The following PCDH15 variants were observed in gnomAD, a reference collection of about 807,000 sequenced individuals.
PCDH15 encodes protocadherin-15.
A neutral mutation model predicts 178.5 loss-of-function variants in PCDH15; 129 were observed. The ratio of observed to expected loss-of-function variants is 0.72; its 90% CI spans 0.63 to 0.84. PCDH15 has a LOEUF of 0.84. Among genes scored for constraint, PCDH15 ranks in the 40% least tolerant of loss-of-function variants. The pLI, the probability that PCDH15 is intolerant of heterozygous loss-of-function variation, is 0.00. For synonymous variants in PCDH15, 800 were observed against 732.0 expected (o/e 1.09, Z -1.50); for missense variants, 2,230 against 2,099.9 (o/e 1.06, Z -1.21).
intron 9 of PCDH15, 139 bp downstream of exon 9, chr10:54,236,684 A>T: frequency 2.7e-6 from 2 of 749,728 alleles, no homozygotes; most frequent in Non-Finnish European, 4.5e-6. Context: ...TATTATTTTT[A>T]AAATGTGTTT....
At chr10:55,458,022 T>G (rs187609712) in intron 2 of PCDH15, among the ~76,000 whole-genome samples, 1 of 152,042 alleles carries the variant, frequency 6.6e-6, no homozygotes, top group Admixed American at 6.6e-5. Flanking sequence ...CACATGCATA[T>G]ATAGAGGATT....
At chr10:54,332,307 TATATA>T (rs377539738) in intron 6 of PCDH15, among the ~76,000 whole-genome samples, 1,089 of 86,976 alleles carry the variant, frequency 0.013, 10 homozygotes, top group African/African-American at 0.017. Context: ...CATATTATTA[TATATA>T]ATATAATATA....
At chr10:54,096,501 T>C (rs1050459363) in intron 15 of PCDH15, among the ~76,000 whole-genome samples, 3 of 152,112 alleles carry the variant, frequency 2.0e-5, no homozygotes, top group African/African-American at 7.2e-5. Flanking sequence ...TAATCCAATA[T>C]CAAAGTTTCA....
chr10:54,108,720 AG>A (rs1382432909), intron 15 of PCDH15, among the ~76,000 whole-genome samples: 1 of 152,152 alleles, frequency 6.6e-6, no homozygotes, highest in Non-Finnish European at 1.5e-5. Context: ...CTCACAGGTC[AG>A]GGGGATACTC....
At chr10:55,021,932 CA>C (rs34500983) in intron 2 of PCDH15, among the ~76,000 whole-genome samples, 69,617 of 151,764 alleles carry the variant, frequency 0.46, 17,839 homozygotes, top group East Asian at 0.75. Flanking sequence ...ATGCCAAGCA[CA>C]AAAAGACATA....
intron 18 of PCDH15, among the ~76,000 whole-genome samples, chr10:54,050,276 G>C (rs770255008): frequency 6.6e-6 from 1 of 152,030 alleles, no homozygotes; most frequent in Non-Finnish European, 1.5e-5. Flanking sequence ...ATTTCTTCTT[G>C]ATTCAATCAT....
chr10:54,416,919 A>T (rs10763111), intron 3 of PCDH15, among the ~76,000 whole-genome samples: 120,866 of 152,138 alleles, frequency 0.79, 48,792 homozygotes, highest in East Asian at 0.97. Flanking sequence ...TGTAGATGTC[A>T]TCTTTTGAGA....
At chr10:54,594,974 G>A (rs1019651274) in intron 2 of PCDH15, among the ~76,000 whole-genome samples, 2 of 152,154 alleles carry the variant, frequency 1.3e-5, no homozygotes, top group Admixed American at 6.5e-5. Context: ...ACAGTCCTGC[G>A]ACCACTAGCG....
intron 1 of PCDH15, among the ~76,000 whole-genome samples, chr10:54,687,829 A>T (rs1265247017): frequency 6.6e-6 from 1 of 151,948 alleles, no homozygotes; most frequent in African/African-American, 2.4e-5. Flanking sequence ...GGGTCCCTAT[A>T]CCTATTACCA....
intron 1 of PCDH15, among the ~76,000 whole-genome samples, chr10:54,762,541 C>T (rs559372241): frequency 6.6e-6 from 1 of 152,178 alleles, no homozygotes; most frequent in East Asian, 1.9e-4. Context: ...TCAAATCAAA[C>T]ACCATACTAT....
At chr10:54,911,647 C>G (rs1004435339) in intron 2 of PCDH15, among the ~76,000 whole-genome samples, 1 of 152,032 alleles carries the variant, frequency 6.6e-6, no homozygotes, top group Non-Finnish European at 1.5e-5. Context: ...ATTGTAATCC[C>G]CAGGTGTCAA....
chr10:54,432,007 G>T (rs1957024905), intron 3 of PCDH15, among the ~76,000 whole-genome samples: 1 of 151,772 alleles, frequency 6.6e-6, no homozygotes, highest in Non-Finnish European at 1.5e-5. Context: ...CTAAGAATTA[G>T]CCAAAGAAGC....
At chr10:53,932,874 A>G (rs762195689) in intron 25 of PCDH15, among the ~76,000 whole-genome samples, 1 of 152,108 alleles carries the variant, frequency 6.6e-6, no homozygotes, top group African/African-American at 2.4e-5. Context: ...GATCAGTCTC[A>G]TGGAGACAGA....
intron 1 of PCDH15, among the ~76,000 whole-genome samples, chr10:55,180,940 G>GA (rs148776672): frequency 0.031 from 4,632 of 151,636 alleles, 102 homozygotes; most frequent in South Asian, 0.11. Flanking sequence ...AAAACTCAGA[G>GA]AAAAAAAACA....
intron 3 of PCDH15, among the ~76,000 whole-genome samples, chr10:54,510,922 A>T (rs996465371): frequency 1.3e-5 from 2 of 152,144 alleles, no homozygotes; most frequent in African/African-American, 4.8e-5. Flanking sequence ...GGAGAAGTGT[A>T]TCAGAAGTGG....
At chr10:54,503,282 T>C (rs1047909925) in intron 3 of PCDH15, among the ~76,000 whole-genome samples, 20 of 142,726 alleles carry the variant, frequency 1.4e-4, no homozygotes, top group African/African-American at 4.8e-4. Flanking sequence ...TATATTTATA[T>C]ATAATATATA....
intron 2 of PCDH15, among the ~76,000 whole-genome samples, chr10:55,502,444 C>A (rs977367311): frequency 2.0e-5 from 3 of 151,684 alleles, no homozygotes; most frequent in Admixed American, 6.6e-5. Context: ...TATACACTAT[C>A]ATGATCACAC....
In PCDH15 at chr10:53,961,799, C is replaced by T. The variant is rs778800128; in HGVS notation, c.2962G>A (p.Val988Ile). 4 of 1,611,802 alleles carry T rather than the reference C, an allele frequency of 2.5e-6. No individual in the cohort carries two copies. Among genetic ancestry groups the T allele is most frequent in the Admixed American group, 3.3e-5 (2 of 59,966 alleles). ...IFEVEEDSGR[V>I]ITRVNLNEEP... ...TCATTAAGATTGACTCGTGTTATTA[C>T]TCTTCCAGAATCTTCTTCCACTTCA... The change falls in exon 22 of 38, where the codon GTA (valine) becomes ATA (isoleucine). Residue 988 changes from valine (V) to isoleucine (I), a missense_variant. Val to Ile is a conservative substitution (Grantham distance 29). Coordinates refer to ENST00000644397, the MANE Select transcript of PCDH15 (RefSeq NM_001384140.1).
At chr10:54,450,419 A>AT (rs890863507) in intron 3 of PCDH15, among the ~76,000 whole-genome samples, 4 of 151,076 alleles carry the variant, frequency 2.6e-5, no homozygotes, top group Admixed American at 6.6e-5. Flanking sequence ...TCCTTTTTTT[A>AT]TTTTTTTAAC....
Sources: allele counts gnomAD v4.1 joint callset (sites outside exome capture counted in the v4.1 genomes callset), GRCh38; gene constraint gnomAD v4.1.1; transcripts MANE v1.5; gene names NCBI Gene and HGNC (gene_info 2026-07-23, HGNC 2026-07-21).